MAP3K4: variants seen among roughly 807,000 people sequenced by gnomAD.
The protein encoded by MAP3K4 is MAP three kinase 1.
MAP3K4 carries 67 observed loss-of-function variants against 185.6 expected under a neutral mutation model. That is an observed-to-expected ratio of 0.36 (90% CI 0.30 to 0.44). The LOEUF (loss-of-function observed/expected upper bound fraction) is 0.44, where lower values mean the gene tolerates loss of function less well. Among genes scored for constraint, MAP3K4 ranks in the 20% least tolerant of loss-of-function variants. MAP3K4 has a pLI of 1.00. For missense variants in MAP3K4, 1,551 were observed against 1,995.1 expected, an observed-to-expected ratio of 0.78 and a Z score of 4.24; for synonymous variants, 702 against 710.4, an observed-to-expected ratio of 0.99 and a Z score of 0.19.
In MAP3K4 at chr6:161,034,515, A is replaced by G. The variant is rs1309399599; in HGVS notation, c.343+66A>G. On this transcript the variant is annotated intron_variant, in intron 2 of 26. Coordinates refer to ENST00000392142, the MANE Select transcript of MAP3K4 (RefSeq NM_005922.4). The surrounding 1 kb of genome is among the most constrained non-coding windows in gnomAD (Gnocchi z 4.4). ...TGGCACTTGATTGATTCTTTCAACAATAAAGTTAGCAATTTCTTTTATTTT... is the reference window on the plus strand; with the variant it reads ...TGGCACTTGATTGATTCTTTCAACAGTAAAGTTAGCAATTTCTTTTATTTT... The G allele has an allele frequency of 4.6e-6, 6 of 1,299,928 alleles. No homozygotes were observed. The highest frequency in any genetic ancestry group is 1.5e-5 in the African/African-American group (1 of 66,262). The allele number at this position is 1,299,928 out of a possible 1,614,324, so 80.5% of individuals were successfully genotyped here.
At chr6:161,030,744 G>A (rs1782888980) in intron 1 of MAP3K4, among the ~76,000 whole-genome samples, 1 of 152,118 alleles carries the variant, frequency 6.6e-6, no homozygotes, top group South Asian at 2.1e-4. Flanking sequence ...GGAAAACGTT[G>A]TGAATGTTAT....
intron 1 of MAP3K4, among the ~76,000 whole-genome samples, chr6:160,995,757 C>T (rs766617840): frequency 3.3e-4 from 50 of 152,160 alleles, no homozygotes; most frequent in Non-Finnish European, 3.8e-4. Context: ...ACTAGGAGAG[C>T]TATTAAAACT....
rs945456650 is a variant in MAP3K4 at position 161,087,132 on chromosome 6, T to A, written c.2556+465T>A. Among the ~76,000 whole-genome samples the A allele has an allele frequency of 1.3e-5, 2 of 152,192 alleles. No homozygotes were observed. The highest frequency in any genetic ancestry group is 2.9e-5 in the Non-Finnish European group (2 of 68,050). On this transcript the variant is annotated intron_variant, in intron 9 of 26. Coordinates refer to ENST00000392142, the MANE Select transcript of MAP3K4 (RefSeq NM_005922.4). The surrounding 1 kb of genome is among the most constrained non-coding windows in gnomAD (Gnocchi z 4.9). ...ATTTAGCACAGTTAGAATCCGTATG[T>A]GATGTCATCACTGGACATTTTATCC...
intron 1 of MAP3K4, among the ~76,000 whole-genome samples, chr6:161,005,826 C>T (rs570955752): frequency 6.6e-6 from 1 of 152,166 alleles, no homozygotes; most frequent in Non-Finnish European, 1.5e-5. Context: ...CTTGCTCTGT[C>T]GCCCAGGTTA....
Position 161,089,528 on chromosome 6 carries a change from T to C in MAP3K4, c.2973+57T>C, listed in dbSNP as rs562867669. ...TTTTCCTTTTTGATGAAAGTCAGTG[T>C]GTGGTAATGTGTGTAAGGTAATATC... On this transcript the variant is annotated intron_variant, in intron 11 of 26. Coordinates refer to ENST00000392142, the MANE Select transcript of MAP3K4 (RefSeq NM_005922.4). 1.5e-5 allele frequency: 23 copies of C among 1,585,388 alleles called. No homozygotes were observed. In the South Asian group the frequency reaches 2.4e-4, roughly 17 times the overall value.
chr6:161,106,602 G>T lies in MAP3K4; in HGVS notation c.3945G>T (p.Lys1315Asn). The T allele has an allele frequency of 6.2e-7, 1 of 1,612,104 alleles. No homozygotes were observed. Among genetic ancestry groups the T allele is most frequent in the Admixed American group, 1.7e-5 (1 of 60,012 alleles). The change falls in exon 20 of 27, where the codon AAG (lysine) becomes AAT (asparagine). Residue 1315 changes from lysine to asparagine, a missense_variant. By Grantham distance (94) the Lys-to-Asn change is moderately conservative. Transcript: ENST00000392142. This position sits in a 1 kb window ranked among gnomAD's most constrained non-coding sequence, Gnocchi z 4.9. ...EEKRYREMRRKNIIGQVCDTP... is the reference protein window; with the variant it reads ...EEKRYREMRRNNIIGQVCDTP... ...AGAGGTACCGAGAAATGAGGAGAAA[G>T]AATATCATTGGTCAAGTTTGTGATA...
At chr6:161,089,710 A>G (rs1785930919) in intron 11 of MAP3K4, among the ~76,000 whole-genome samples, 1 of 152,246 alleles carries the variant, frequency 6.6e-6, no homozygotes, top group African/African-American at 2.4e-5. Flanking sequence ...TGACTTATTC[A>G]TAATGGCTAC....
Position 161,114,846 on chromosome 6 carries a change from T to C in MAP3K4, c.4627-277T>C, listed in dbSNP as rs1033883311. Among the ~76,000 whole-genome samples, 7 of 152,220 alleles carry C rather than the reference T, an allele frequency of 4.6e-5. No homozygotes were observed. Among genetic ancestry groups the C allele is most frequent in the Non-Finnish European group, 8.8e-5 (6 of 68,038 alleles). On this transcript the variant is annotated intron_variant, in intron 25 of 26. Transcript: ENST00000392142. This position sits in a 1 kb window ranked among gnomAD's most constrained non-coding sequence, Gnocchi z 4.3. ...TGCACCCCAAATGGAGTAGGCAAAC[T>C]ATGCTGGCCACCTGTTTTATAAATA... is the stretch of plus-strand genomic sequence containing the variant.
intron 1 of MAP3K4, among the ~76,000 whole-genome samples, chr6:161,028,598 A>G (rs1044856286): frequency 1.3e-5 from 2 of 152,188 alleles, no homozygotes; most frequent in African/African-American, 4.8e-5. Flanking sequence ...TAAGGATGAC[A>G]GGCTCCTGCT....
intron 1 of MAP3K4, among the ~76,000 whole-genome samples, chr6:161,032,686 A>G (rs781290127): frequency 2.6e-5 from 4 of 152,230 alleles, no homozygotes; most frequent in Admixed American, 6.5e-5. Context: ...CAAATCAACT[A>G]TTACACAGTG....
chr6:161,007,408 G>A lies in MAP3K4; in HGVS notation c.152+15325G>A, dbSNP rs1202953639. Among the ~76,000 whole-genome samples, 1 of 152,172 alleles carries A rather than the reference G, an allele frequency of 6.6e-6. No individual in the cohort carries two copies. Among genetic ancestry groups the A allele is most frequent in the African/African-American group, 2.4e-5 (1 of 41,438 alleles). ...AGAGGGAGGGCTAATTTTACAATAT[G>A]CAAGGACATGGTGGTCCTTTGAGGT... On this transcript the variant is annotated intron_variant, in intron 1 of 26. Transcript: ENST00000392142. This position sits in a 1 kb window ranked among gnomAD's most constrained non-coding sequence, Gnocchi z 4.5.
At position 161,108,732 on chromosome 6, in the gene MAP3K4, T is replaced by G; in HGVS notation, c.4120-11T>G. On this transcript the variant is annotated splice_polypyrimidine_tract_variant and intron_variant, in intron 21 of 26. Coordinates refer to ENST00000392142, the MANE Select transcript of MAP3K4 (RefSeq NM_005922.4). The surrounding 1 kb of genome is among the most constrained non-coding windows in gnomAD (Gnocchi z 5.7). The stretch of plus-strand genomic sequence containing the variant: ...CAAGCCAGTTAACATTTTTGTCACC[T>G]CACTTTACAGATTCGATTTCAACCT... 1 of 1,544,096 alleles carries G rather than the reference T, an allele frequency of 6.5e-7. No homozygotes were observed. Among genetic ancestry groups the G allele is most frequent in the Non-Finnish European group, 9.0e-7 (1 of 1,116,200 alleles).
chr6:161,091,060 G>A lies in MAP3K4; in HGVS notation c.2974-319G>A, dbSNP rs1168704896. On this transcript the variant is annotated intron_variant, in intron 11 of 26. Coordinates refer to ENST00000392142, the MANE Select transcript of MAP3K4 (RefSeq NM_005922.4). The surrounding 1 kb of genome is among the most constrained non-coding windows in gnomAD (Gnocchi z 5.5). ...TTTTTCACTCTGTGGAATTGCACCC[G>A]TACTTATGGTTGAGCAACCGTCCAG... 1.3e-5 allele frequency among the ~76,000 whole-genome samples: 2 copies of A among 152,122 alleles called. No individual in the cohort carries two copies. The highest frequency in any genetic ancestry group is 2.1e-4 in the South Asian group (1 of 4,820).
rs139355462 is a variant in MAP3K4, at chr6:161,084,545, A to C, written c.2300A>C (p.Glu767Ala). Reference protein sequence around the residue: ...MLLKSTGSFLEFGLQESCAEF... With the variant: ...MLLKSTGSFLAFGLQESCAEF... Reference sequence around the variant, plus strand: ...CTGAAATCTACAGGAAGTTTTTTAGAATTTGGCTTACAGGAGAGCTGTGCT... The same window carrying C: ...CTGAAATCTACAGGAAGTTTTTTAGCATTTGGCTTACAGGAGAGCTGTGCT... The change falls in exon 7 of 27, where the codon GAA (glutamate) becomes GCA (alanine). Residue 767 changes from glutamate to alanine, a missense_variant. By Grantham distance (107) the Glu-to-Ala change is moderately radical. Around this residue, in one of 16 missense-constraint regions of MAP3K4, gnomAD observed 130 missense variants for 171.3 expected, o/e 0.76. Coordinates refer to ENST00000392142, the MANE Select transcript of MAP3K4 (RefSeq NM_005922.4). The surrounding 1 kb of genome is among the most constrained non-coding windows in gnomAD (Gnocchi z 4.6). The C allele has an allele frequency of 6.2e-7, 1 of 1,611,260 alleles. No homozygotes were observed. The highest frequency in any genetic ancestry group is 1.3e-5 in the African/African-American group (1 of 74,862).
rs1781681580 is a variant in MAP3K4, at chr6:161,008,110, G to A, written c.152+16027G>A. 6.6e-6 allele frequency among the ~76,000 whole-genome samples: 1 copy of A among 152,300 alleles called. No individual in the cohort carries two copies. The highest frequency in any genetic ancestry group is 2.4e-5 in the African/African-American group (1 of 41,572). ...GGGATAGAGTGGAAAGTGGGATGCAGTGATGATATTTATTATATAATATTT... is the reference window on the plus strand; with the variant it reads ...GGGATAGAGTGGAAAGTGGGATGCAATGATGATATTTATTATATAATATTT... On this transcript the variant is annotated intron_variant, in intron 1 of 26. Transcript: ENST00000392142. The surrounding 1 kb of genome is among the most constrained non-coding windows in gnomAD (Gnocchi z 4.1).
Position 161,114,206 on chromosome 6 carries a change from T to C in MAP3K4, c.4627-917T>C, listed in dbSNP as rs982048833. On this transcript the variant is annotated intron_variant, in intron 25 of 26. Transcript: ENST00000392142. This position sits in a 1 kb window ranked among gnomAD's most constrained non-coding sequence, Gnocchi z 4.3. The stretch of plus-strand genomic sequence containing the variant: ...CAAAATTTTAAATGTGCATAGCACT[T>C]AAACCAAGAAGTTTTCTGCTTCTGA... Among the ~76,000 whole-genome samples the C allele has an allele frequency of 1.3e-5, 2 of 152,228 alleles. No homozygotes were observed. Among genetic ancestry groups the C allele is most frequent in the Admixed American group, 6.5e-5 (1 of 15,292 alleles).
chr6:161,106,514 A>T lies in MAP3K4; in HGVS notation c.3857A>T (p.Asp1286Val). 1 of 1,604,932 alleles carries T rather than the reference A, an allele frequency of 6.2e-7. No individual in the cohort carries two copies. Among genetic ancestry groups the T allele is most frequent in the Non-Finnish European group, 8.5e-7 (1 of 1,176,110 alleles). The change falls in exon 20 of 27, where the codon GAT becomes GTT. Residue 1286 changes from aspartate (D) to valine (V), a missense_variant and splice_region_variant. Around this residue, in one of 16 missense-constraint regions of MAP3K4, gnomAD observed 272 missense variants for 301.2 expected, o/e 0.90. Coordinates refer to ENST00000392142, the MANE Select transcript of MAP3K4 (RefSeq NM_005922.4). The surrounding 1 kb of genome is among the most constrained non-coding windows in gnomAD (Gnocchi z 4.9). ...ELRTLISQSK[D>V]TASKLGPIEA... The stretch of plus-strand genomic sequence containing the variant: ...AATGAGGTTTTGGTTCTCTCTGCAG[A>T]TACTGCTTCTAAACTAGGACCCATA...
Position 161,054,965 on chromosome 6 carries a change from C to T in MAP3K4, c.1707+4986C>T, listed in dbSNP as rs1250304322. Among the ~76,000 whole-genome samples, 1 of 152,190 alleles carries T rather than the reference C, an allele frequency of 6.6e-6. No individual in the cohort carries two copies. The highest frequency in any genetic ancestry group is 2.4e-5 in the African/African-American group (1 of 41,456). On this transcript the variant is annotated intron_variant, in intron 3 of 26. Transcript: ENST00000392142. This position sits in a 1 kb window ranked among gnomAD's most constrained non-coding sequence, Gnocchi z 4.2. The stretch of plus-strand genomic sequence containing the variant: ...ATATTTTCTCATTTATCTTCTTCTT[C>T]TCTTATTCCATTGCTGTTTAGAACA...
At chr6:161,045,850 G>A (rs192254446) in intron 2 of MAP3K4, among the ~76,000 whole-genome samples, 2 of 152,030 alleles carry the variant, frequency 1.3e-5, no homozygotes, top group Admixed American at 1.3e-4. Context: ...ACAATTTTTT[G>A]TTTTCTTTGA....
Sources: gnomAD v4.1 joint callset for allele counts (sites outside exome capture counted in the v4.1 genomes callset) on GRCh38, gnomAD v4.1.1 for gene constraint, gnomAD v4.1.1 regional missense constraint, Gnocchi (gnomAD v3.1) non-coding constraint, MANE v1.5 for transcripts, NCBI Gene and HGNC (gene_info 2026-07-23, HGNC 2026-07-21) for gene names.